Variants in HIKESHI observed in about 807,000 individuals in gnomAD.
The protein encoded by HIKESHI is protein Hikeshi.
In HIKESHI, 13 loss-of-function variants were observed where a neutral mutation model predicts 25.7. That is an observed-to-expected ratio of 0.51 (90% CI 0.33 to 0.80). The LOEUF is 0.80. Among genes scored for constraint, HIKESHI ranks in the 30% least tolerant of loss-of-function variants. The pLI, the probability that HIKESHI is intolerant of heterozygous loss-of-function variation, is 0.02. For synonymous variants in HIKESHI, 76 were observed against 78.7 expected (o/e 0.97, Z 0.18); for missense variants, 174 against 229.5 (o/e 0.76, Z 1.56).
rs1389420367 is a variant in HIKESHI at position 86,326,642 on chromosome 11, G to A, written c.269-10737G>A. The A allele has an allele frequency of 6.8e-6, 3 of 439,312 alleles. No homozygotes were observed. The Admixed American group carries it at 7.4e-5, about 11-fold the overall frequency. 27.2% of individuals were successfully genotyped at this position (439,312 alleles called of 1,614,324 possible). On this transcript the variant is annotated intron_variant, in intron 2 of 4. Coordinates refer to ENST00000278483, the MANE Select transcript of HIKESHI (RefSeq NM_016401.4). Reference sequence around the variant, plus strand: ...CTGAGATAAATGAGAATCTCTCTATGGAAGATTAGACTGGAGCATGAACTT... The same window carrying A: ...CTGAGATAAATGAGAATCTCTCTATAGAAGATTAGACTGGAGCATGAACTT...
At chr11:86,313,588 C>T (rs1457261500) in intron 2 of HIKESHI, among the ~76,000 whole-genome samples, 2 of 152,078 alleles carry the variant, frequency 1.3e-5, no homozygotes, top group Admixed American at 6.6e-5. Flanking sequence ...TGTTTAGGTA[C>T]CATGTAGGTA....
chr11:86,308,745 G>C (rs930428237), intron 2 of HIKESHI, among the ~76,000 whole-genome samples: 3 of 151,794 alleles, frequency 2.0e-5, no homozygotes, highest in Admixed American at 1.3e-4. Context: ...ACAGGCCCCG[G>C]TGTGTGATGT....
At chr11:86,340,022 T>C (rs1947683403) in intron 3 of HIKESHI, among the ~76,000 whole-genome samples, 1 of 152,098 alleles carries the variant, frequency 6.6e-6, no homozygotes, top group Non-Finnish European at 1.5e-5. Flanking sequence ...GTCCTTGTGA[T>C]AGTTTGCTCA....
rs991362918 is a variant in HIKESHI at position 86,307,027 on chromosome 11, A to C, written c.268+545A>C. The stretch of plus-strand genomic sequence containing the variant: ...AGAAAAAAAAAATATATATATATAT[A>C]TAAATATATATATTATGTATCAAAT... On this transcript the variant is annotated intron_variant, in intron 2 of 4. Coordinates refer to ENST00000278483, the MANE Select transcript of HIKESHI (RefSeq NM_016401.4). Among the ~76,000 whole-genome samples the C allele has an allele frequency of 1.4e-5, 2 of 145,042 alleles. 1 individual carries two copies. The highest frequency in any genetic ancestry group is 3.0e-5 in the Non-Finnish European group (2 of 66,582).
chr11:86,307,456 T>C (rs1430713158), intron 2 of HIKESHI, among the ~76,000 whole-genome samples: 1 of 139,016 alleles, frequency 7.2e-6, no homozygotes, highest in Non-Finnish European at 1.5e-5. Context: ...ATATATATTA[T>C]GTGTAGTATA....
chr11:86,305,447 C>T (rs774316907), intron 1 of HIKESHI, among the ~76,000 whole-genome samples: 14 of 151,936 alleles, frequency 9.2e-5, no homozygotes, highest in Non-Finnish European at 1.8e-4. Context: ...GGTGCAATGG[C>T]GCGATCTCAG....
chr11:86,328,741 C>T (rs572607112), intron 2 of HIKESHI, among the ~76,000 whole-genome samples: 1 of 151,966 alleles, frequency 6.6e-6, no homozygotes, highest in East Asian at 1.9e-4. Flanking sequence ...CATGCCTGAC[C>T]CTATTTTGTA....
intron 3 of HIKESHI, among the ~76,000 whole-genome samples, chr11:86,343,180 T>C (rs1389823830): frequency 2.6e-5 from 4 of 152,204 alleles, no homozygotes; most frequent in South Asian, 4.1e-4. Context: ...ACAAAAATCT[T>C]ACTAGTTTGT....
intron 1 of HIKESHI, chr11:86,303,306 C>A (rs1301617376): frequency 2.6e-5 from 17 of 656,092 alleles, no homozygotes; most frequent in African/African-American, 4.0e-5. Flanking sequence ...GCTGAATTGT[C>A]TTTTTTTCCC....
In HIKESHI at chr11:86,319,217, AATAT is replaced by A. The variant is rs139667221; in HGVS notation, c.268+12758_268+12761del. On this transcript the variant is annotated intron_variant, in intron 2 of 4. Coordinates refer to ENST00000278483, the MANE Select transcript of HIKESHI (RefSeq NM_016401.4). ...CATGAGCTACTGTGCCTGGCTTAAAAATATATATATATATATATATATATATTTT... is the reference window on the plus strand; with the variant it reads ...CATGAGCTACTGTGCCTGGCTTAAAAATATATATATATATATATATATTTT... Among the ~76,000 whole-genome samples the A allele has an allele frequency of 3.0e-4, 34 of 115,038 alleles. 1 individual carries two copies. Among genetic ancestry groups the A allele is most frequent in the African/African-American group, 4.9e-4 (14 of 28,534 alleles). The allele number at this position is 115,038 out of a possible 152,430, so 75.5% of individuals were successfully genotyped here.
At chr11:86,307,221 TTA>T (rs1246091360) in intron 2 of HIKESHI, among the ~76,000 whole-genome samples, 1 of 71,656 alleles carries the variant, frequency 1.4e-5, no homozygotes, top group Non-Finnish European at 2.5e-5. Flanking sequence ...CAAATATATA[TTA>T]TGTGTAATAT....
intron 2 of HIKESHI, among the ~76,000 whole-genome samples, chr11:86,324,507 A>G (rs1947226595): frequency 6.6e-6 from 1 of 152,224 alleles, no homozygotes; most frequent in Non-Finnish European, 1.5e-5. Flanking sequence ...ATAAAATGCT[A>G]TTAAAATGTT....
chr11:86,318,704 A>T (rs1947065132), intron 2 of HIKESHI, among the ~76,000 whole-genome samples: 1 of 152,202 alleles, frequency 6.6e-6, no homozygotes, highest in African/African-American at 2.4e-5. Context: ...ATTTAAGTGG[A>T]ATATTGAACC....
chr11:86,333,499 C>T (rs1416785625), intron 2 of HIKESHI, among the ~76,000 whole-genome samples: 5 of 151,448 alleles, frequency 3.3e-5, no homozygotes, highest in African/African-American at 7.3e-5. Context: ...CGTCCTACCG[C>T]ACTCCAGCCT....
chr11:86,308,287 A>G (rs1848767988), intron 2 of HIKESHI, among the ~76,000 whole-genome samples: 1 of 95,280 alleles, frequency 1.0e-5, no homozygotes, highest in African/African-American at 4.6e-5. Context: ...TATAAAATAT[A>G]TATTACATAT....
intron 3 of HIKESHI, among the ~76,000 whole-genome samples, chr11:86,341,007 G>C (rs1381287320): frequency 1.3e-5 from 2 of 152,080 alleles, no homozygotes; most frequent in African/African-American, 4.8e-5. Flanking sequence ...CTTCTATTCT[G>C]CTCCTTAGAA....
At chr11:86,312,196 AG>A (rs1264085670) in intron 2 of HIKESHI, among the ~76,000 whole-genome samples, 2 of 152,122 alleles carry the variant, frequency 1.3e-5, no homozygotes, top group African/African-American at 4.8e-5. Context: ...TGGGAGTCTA[AG>A]TCTCTTTGTA....
chr11:86,345,703 C>G lies in HIKESHI; in HGVS notation c.*65C>G. 2.0e-6 allele frequency: 2 copies of G among 993,710 alleles called. No homozygotes were observed. Among genetic ancestry groups the G allele is most frequent in the Non-Finnish European group, 3.0e-6 (2 of 660,424 alleles). The allele number at this position is 993,710 out of a possible 1,614,324, so 61.6% of individuals were successfully genotyped here. Reference sequence around the variant, plus strand: ...ATGTTTTGAAGATAACTGACTCCATCTAAAAGTATGAGGTCAAAGGATCAC... The same window carrying G: ...ATGTTTTGAAGATAACTGACTCCATGTAAAAGTATGAGGTCAAAGGATCAC... On this transcript the variant is annotated 3_prime_UTR_variant, in exon 5 of 5. Coordinates refer to ENST00000278483, the MANE Select transcript of HIKESHI (RefSeq NM_016401.4).
chr11:86,315,817 A>G (rs1422113360), intron 2 of HIKESHI, among the ~76,000 whole-genome samples: 1 of 152,162 alleles, frequency 6.6e-6, no homozygotes, highest in Non-Finnish European at 1.5e-5. Flanking sequence ...AATCTGGACA[A>G]CTTGATTGTG....
Sources: allele counts gnomAD v4.1 joint callset (sites outside exome capture counted in the v4.1 genomes callset), GRCh38; gene constraint gnomAD v4.1.1; transcripts MANE v1.5; gene names NCBI Gene and HGNC (gene_info 2026-07-23, HGNC 2026-07-21).